The following PHF10 variants were observed in gnomAD, a reference collection of about 807,000 sequenced individuals.
The protein encoded by PHF10 is PHD finger protein 10, also known as BRG1-associated factor 45a.
In PHF10, 51 loss-of-function variants were observed where a neutral mutation model predicts 68.5. That is an observed-to-expected ratio of 0.74 (90% CI 0.59 to 0.94). PHF10 has a LOEUF of 0.94. PHF10 is among the 40% of genes least tolerant of loss of function. The pLI, the probability that PHF10 is intolerant of heterozygous loss-of-function variation, is 0.00. For synonymous variants in PHF10, 204 were observed against 203.5 expected (o/e 1.00, Z -0.02); for missense variants, 460 against 602.6 (o/e 0.76, Z 2.48).
In PHF10 at chr6:169,715,991, T is replaced by G; in HGVS notation, c.507A>C (p.Glu169Asp). 1 of 1,608,636 alleles carries G rather than the reference T, an allele frequency of 6.2e-7. No individual in the cohort carries two copies. Among genetic ancestry groups the G allele is most frequent in the Non-Finnish European group, 8.5e-7 (1 of 1,178,030 alleles). The change falls in exon 5 of 12, where the codon GAA becomes GAC. Residue 169 changes from glutamate (E) to aspartate (D), a missense_variant. Glu to Asp is a conservative substitution (Grantham distance 45). Transcript: ENST00000339209. ...AEYSVILQEK[E>D]RQRITDHYKE... is the part of the protein sequence containing the mutation. ...TATAATGGTCTGTAATTCGTTGACG[T>G]TCTTTTTCTTGTAGAATAACAGAAT...
At chr6:169,710,056 G>T in intron 9 of PHF10, 180 bp downstream of exon 9, 1 of 472,724 alleles carries the variant, frequency 2.1e-6, no homozygotes, top group Non-Finnish European at 3.8e-6. Flanking sequence ...AGCCAAAAGT[G>T]ACAGAAAAGC....
chr6:169,709,881 G>A (rs1166734453), intron 9 of PHF10: 1 of 156,410 alleles, frequency 6.4e-6, no homozygotes, highest in Non-Finnish European at 1.4e-5. Context: ...TAAATGCTGG[G>A]GCATTTAAAA....
chr6:169,707,289 A>G (rs1422017049), intron 9 of PHF10: 4 of 152,220 alleles, frequency 2.6e-5, no homozygotes, highest in South Asian at 2.1e-4. Flanking sequence ...TGTTACTGCT[A>G]CATTCTAAAC....
chr6:169,715,701 A>T lies in PHF10; in HGVS notation c.693+7T>A. ...GTTCAGGGGGTACTAAATTTAAGTT[A>T]TCCTACATGTGTCTGCAAGTCAAAA... On this transcript the variant is annotated splice_region_variant and intron_variant, in intron 6 of 11. Transcript: ENST00000339209. 6.2e-7 allele frequency: 1 copy of T among 1,610,042 alleles called. No individual in the cohort carries two copies. The highest frequency in any genetic ancestry group is 1.3e-5 in the African/African-American group (1 of 74,822).
chr6:169,715,682 G>C (rs371924223), intron 6 of PHF10, 26 bp downstream of exon 6: 3 of 1,597,666 alleles, frequency 1.9e-6, no homozygotes, highest in African/African-American at 1.3e-5. Flanking sequence ...CTAAGTTCAG[G>C]GGGTACTAAA....
intron 1 of PHF10, among the ~76,000 whole-genome samples, 195 bp from the exon 2 acceptor site, chr6:169,721,306 T>C (rs1402802653): frequency 6.6e-6 from 1 of 152,152 alleles, no homozygotes; most frequent in Non-Finnish European, 1.5e-5. Flanking sequence ...CCAATCCAAA[T>C]AAGAACATTT....
In PHF10 at chr6:169,717,653, A is replaced by C. The variant is rs1789081844; in HGVS notation, c.409+170T>G. ...GGAACCACATGTGTGTTCAAGCTTC[A>C]TTCTCCTGTGTATTTTAACAATAAT... On this transcript the variant is annotated intron_variant, in intron 4 of 11. Transcript: ENST00000339209. 5.7e-6 allele frequency: 3 copies of C among 523,614 alleles called. No individual in the cohort carries two copies. The Admixed American group carries it at 1.1e-4, about 19-fold the overall frequency. The allele number at this position is 523,614 out of a possible 1,614,324, so 32.4% of individuals were successfully genotyped here.
chr6:169,713,731 T>C (rs888819651), intron 7 of PHF10, among the ~76,000 whole-genome samples: 12 of 152,222 alleles, frequency 7.9e-5, no homozygotes, highest in African/African-American at 1.4e-4. Flanking sequence ...GTGTGAGTTA[T>C]GATACTATAT....
At chr6:169,720,061 A>T (rs1313738342) in intron 2 of PHF10, among the ~76,000 whole-genome samples, 1 of 152,168 alleles carries the variant, frequency 6.6e-6, no homozygotes, top group Non-Finnish European at 1.5e-5. Flanking sequence ...AGATGAAAAG[A>T]TGTTCAATAT....
At chr6:169,710,014 T>C (rs914151576) in intron 9 of PHF10, 3 of 348,876 alleles carry the variant, frequency 8.6e-6, no homozygotes, top group Non-Finnish European at 1.6e-5. Flanking sequence ...ACTTATAAAT[T>C]GTACATATAC....
Position 169,715,938 on chromosome 6 carries a change from T to C in PHF10, c.543+17A>G. The C allele has an allele frequency of 6.3e-7, 1 of 1,597,782 alleles. No individual in the cohort carries two copies. Among genetic ancestry groups the C allele is most frequent in the Non-Finnish European group, 8.5e-7 (1 of 1,171,584 alleles). ...CCCCAACCCAAATAAAAAATGCCAG[T>C]CACCTCAATTACTTACGGAATACTC... On this transcript the variant is annotated intron_variant, in intron 5 of 11. Coordinates refer to ENST00000339209, the MANE Select transcript of PHF10 (RefSeq NM_018288.4).
In PHF10 at chr6:169,704,051, T is replaced by TG. The variant is rs754137375; in HGVS notation, c.1448dup (p.Thr484AsnfsTer18). 2.6e-5 allele frequency: 41 copies of TG among 1,587,568 alleles called. No individual in the cohort carries two copies. Among genetic ancestry groups the TG allele is most frequent in the Admixed American group, 9.7e-5 (5 of 51,328 alleles). ...CCCTTCTGCCCACTTTCCTGGGTGTTGGGGGGGCCCGCTGACAACAGTCAC... is the reference window on the plus strand; with the variant it reads ...CCCTTCTGCCCACTTTCCTGGGTGTTGGGGGGGGCCCGCTGACAACAGTCAC... On this transcript the variant is annotated frameshift_variant, in exon 12 of 12. Coordinates refer to ENST00000339209, the MANE Select transcript of PHF10 (RefSeq NM_018288.4). LOFTEE classifies it high-confidence loss of function.
chr6:169,717,916 A>G lies in PHF10; in HGVS notation c.326-10T>C, dbSNP rs576992807. 34 of 1,393,564 alleles carry G rather than the reference A, an allele frequency of 2.4e-5. 1 individual carries two copies. The South Asian group carries it at 4.3e-4, about 18-fold the overall frequency. 86.3% of individuals were successfully genotyped at this position (1,393,564 alleles called of 1,614,324 possible). On this transcript the variant is annotated splice_polypyrimidine_tract_variant and intron_variant, in intron 3 of 11. Coordinates refer to ENST00000339209, the MANE Select transcript of PHF10 (RefSeq NM_018288.4). ...TCTCGTCGCTCTAAATCTCCAAAAAAAAGATCAAAAGACTATTAAAAACAG... is the reference window on the plus strand; with the variant it reads ...TCTCGTCGCTCTAAATCTCCAAAAAGAAGATCAAAAGACTATTAAAAACAG...
chr6:169,723,129 G>C (rs1420633845), intron 1 of PHF10, among the ~76,000 whole-genome samples: 1 of 152,208 alleles, frequency 6.6e-6, no homozygotes, highest in Non-Finnish European at 1.5e-5. Flanking sequence ...TGGCTCTGCA[G>C]CATTCCAGTT....
rs973034081 is a variant in PHF10, at chr6:169,717,898, G to A, written c.334C>T (p.Arg112Ter). 4.6e-6 allele frequency: 7 copies of A among 1,530,676 alleles called. No individual in the cohort carries two copies. The highest frequency in any genetic ancestry group is 4.5e-5 in the East Asian group (2 of 43,978). 94.8% of individuals were successfully genotyped at this position (1,530,676 alleles called of 1,614,324 possible). ...SFKRKYPDLERRDLSHKEKLY... is the reference protein window; with the variant it reads ...SFKRKYPDLE ...TTCTCCTTGTGAGACAAATCTCGTCGCTCTAAATCTCCAAAAAAAAGATCA... is the reference window on the plus strand; with the variant it reads ...TTCTCCTTGTGAGACAAATCTCGTCACTCTAAATCTCCAAAAAAAAGATCA... Residue 112 changes from arginine to a stop codon, truncating the protein, a stop_gained, in exon 4 of 12, where the codon CGA (arginine) becomes TGA (stop). Coordinates refer to ENST00000339209, the MANE Select transcript of PHF10 (RefSeq NM_018288.4). LOFTEE classifies it high-confidence loss of function.
intron 9 of PHF10, chr6:169,709,650 A>G (rs1788883531): frequency 6.6e-6 from 1 of 152,224 alleles, no homozygotes; most frequent in African/African-American, 2.4e-5. Context: ...TTCTTGCCAT[A>G]GAATCATATA....
intron 9 of PHF10, chr6:169,707,038 AT>A (rs1421402538): frequency 3.3e-5 from 5 of 152,224 alleles, no homozygotes. Context: ...TTCAAAAAGA[AT>A]TTTTGGCTTA....
intron 3 of PHF10, 137 bp from the exon 4 acceptor site, chr6:169,718,043 A>C: frequency 2.1e-6 from 1 of 470,450 alleles, no homozygotes; most frequent in South Asian, 5.0e-5. Flanking sequence ...GGCTACAAAA[A>C]AATTTATAAA....
chr6:169,721,387 T>C (rs1789173866), intron 1 of PHF10, among the ~76,000 whole-genome samples: 1 of 152,156 alleles, frequency 6.6e-6, no homozygotes. Flanking sequence ...GCTGCATCAC[T>C]CTAGGATTAA....
Sources: gnomAD v4.1 joint callset for allele counts (sites outside exome capture counted in the v4.1 genomes callset) on GRCh38, gnomAD v4.1.1 for gene constraint, MANE v1.5 for transcripts, NCBI Gene and HGNC (gene_info 2026-07-23, HGNC 2026-07-21) for gene names.